Variants in CANX observed in about 807,000 individuals in gnomAD.
CANX encodes the protein epididymis secretory sperm binding protein.
In CANX, 14 loss-of-function variants were observed where a neutral mutation model predicts 75.7. That is an observed-to-expected ratio of 0.19 (90% CI 0.12 to 0.29). The LOEUF is 0.29. Ranked by LOEUF, CANX falls within the 10% of genes least tolerant of loss-of-function variation. CANX has a pLI of 1.00. For missense variants in CANX, 567 were observed against 713.2 expected (o/e 0.79, Z 2.34); for synonymous variants, 227 against 236.9 (o/e 0.96, Z 0.38).
intron 8 of CANX, among the ~76,000 whole-genome samples, chr5:179,718,971 AT>A (rs756637582): frequency 3.8e-3 from 504 of 133,120 alleles, no homozygotes; most frequent in Middle Eastern, 9.9e-3. Context: ...GGCCTTGTGT[AT>A]TTTTTTTTTT....
intron 1 of CANX, among the ~76,000 whole-genome samples, chr5:179,688,546 G>A (rs1365225959): frequency 1.4e-5 from 2 of 146,288 alleles, no homozygotes; most frequent in Non-Finnish European, 3.0e-5. Context: ...TGTATTTTTA[G>A]TAGAGACGGG....
chr5:179,693,030 C>T (rs1259495742), intron 1 of CANX, among the ~76,000 whole-genome samples: 1 of 150,962 alleles, frequency 6.6e-6, no homozygotes, highest in African/African-American at 2.4e-5. Flanking sequence ...CCTGTAGTCC[C>T]TGCTACTCAG....
intron 7 of CANX, among the ~76,000 whole-genome samples, chr5:179,711,366 G>A (rs1777540032): frequency 6.6e-6 from 1 of 152,106 alleles, no homozygotes; most frequent in African/African-American, 2.4e-5. Flanking sequence ...AGACTGTAGT[G>A]AGCCATGATC....
intron 1 of CANX, among the ~76,000 whole-genome samples, chr5:179,686,506 C>T (rs1776193388): frequency 6.6e-6 from 1 of 151,870 alleles, no homozygotes; most frequent in African/African-American, 2.4e-5. Flanking sequence ...CACGGTCTCA[C>T]TGTTGCCCAG....
intron 10 of CANX, among the ~76,000 whole-genome samples, chr5:179,722,238 G>C (rs1490252783): frequency 6.6e-6 from 1 of 152,156 alleles, no homozygotes; most frequent in African/African-American, 2.4e-5. Flanking sequence ...CGAGGCTGAG[G>C]CACAAGGATC....
chr5:179,683,892 C>T (rs1303984433), intron 1 of CANX, among the ~76,000 whole-genome samples: 4 of 152,088 alleles, frequency 2.6e-5, no homozygotes, highest in Non-Finnish European at 5.9e-5. Context: ...AAGATTTATC[C>T]ATGTTGTTGC....
intron 1 of CANX, among the ~76,000 whole-genome samples, chr5:179,689,404 T>TTTTTTTTTA (rs1776259364): frequency 2.8e-4 from 41 of 147,812 alleles, no homozygotes; most frequent in South Asian, 6.5e-4. Context: ...TTTTTTTTTT[T>TTTTTTTTTA]GAGACAGAGT....
At position 179,689,310 on chromosome 5, in the gene CANX, A is replaced by G. The variant is rs898642772; in HGVS notation, c.-4+10533A>G. ...TACGTCAGACCGATCATAGATGACC[A>G]CTAGGAATGGTACACAACTTCCCTT... On this transcript the variant is annotated intron_variant, in intron 1 of 14. Transcript: ENST00000681674. Among the ~76,000 whole-genome samples, 24 of 151,654 alleles carry G rather than the reference A, an allele frequency of 1.6e-4. 1 individual carries two copies. Among genetic ancestry groups the G allele is most frequent in the Non-Finnish European group, 4.4e-5 (3 of 67,950 alleles).
Position 179,684,941 on chromosome 5 carries a change from T to G in CANX, c.-4+6164T>G, listed in dbSNP as rs1000202930. On this transcript the variant is annotated intron_variant, in intron 1 of 14. Coordinates refer to the CANX transcript ENST00000681674. ...CTAATTTTGTATTTTTTTTTTTTTT[T>G]TTTTTTTTTTTTTTTACTAGAGACA... Among the ~76,000 whole-genome samples the G allele has an allele frequency of 8.7e-5, 12 of 137,234 alleles. 1 individual carries two copies. The East Asian group carries it at 2.0e-3, about 22-fold the overall frequency. 90.0% of individuals were successfully genotyped at this position (137,234 alleles called of 152,430 possible). A position where few individuals can be genotyped will look rare whatever the true frequency, so the allele number is the denominator to read the frequency against.
intron 6 of CANX, 133 bp downstream of exon 6, chr5:179,709,192 G>A (rs939804408): frequency 9.8e-6 from 6 of 609,586 alleles, no homozygotes; most frequent in Non-Finnish European, 1.8e-5. Flanking sequence ...AAGGCAGGCG[G>A]ATCACGAGGT....
In CANX at chr5:179,723,001, T is replaced by C. The variant is rs1474198675; in HGVS notation, c.1380T>C (p.Ala460=). 1 of 1,614,032 alleles carries C rather than the reference T, an allele frequency of 6.2e-7. No individual in the cohort carries two copies. The highest frequency in any genetic ancestry group is 1.1e-5 in the South Asian group (1 of 91,088). The change falls in exon 11 of 15, where the codon GCT becomes GCC. Residue 460 remains alanine, a synonymous_variant. Coordinates refer to ENST00000247461, the MANE Select transcript of CANX (RefSeq NM_001746.4). ...ATGATGGATGGGGCCTGAAGAAAGC[T>C]GCTGATGGGGCTGCTGAGGTTCGTG... is the stretch of plus-strand genomic sequence containing the variant. ...WANDGWGLKK[A]ADGAAEPGVV...
chr5:179,721,310 G>A (rs1008397226), intron 10 of CANX, among the ~76,000 whole-genome samples: 23 of 152,178 alleles, frequency 1.5e-4, no homozygotes, highest in African/African-American at 5.3e-4. Flanking sequence ...GGCTGGTCTC[G>A]AACTCCTGAC....
intron 6 of CANX, 88 bp downstream of exon 6, chr5:179,709,147 G>A (rs1777352768): frequency 3.8e-6 from 3 of 781,422 alleles, no homozygotes; most frequent in East Asian, 5.1e-5. Context: ...AGTGGCTCAC[G>A]CCTGTAATCC....
In CANX at chr5:179,720,545, C is replaced by T; in HGVS notation, c.1167C>T (p.Asp389=). The T allele has an allele frequency of 1.2e-6, 2 of 1,613,942 alleles. No homozygotes were observed. Among genetic ancestry groups the T allele is most frequent in the South Asian group, 1.1e-5 (1 of 91,074 alleles). The part of the protein sequence containing the change: ...YKGKWKPPMI[D]NPSYQGIWKP... ...GCAAATGGAAGCCTCCTATGATTGA[C>T]AATCCCAGTTACCAGGTTTGTGCCT... The change falls in exon 10 of 15, where the codon GAC becomes GAT. Residue 389 remains aspartate, a synonymous_variant. Transcript: ENST00000247461.
At chr5:179,710,090 G>T (rs952566443) in intron 7 of CANX, 25 bp downstream of exon 7, 1 of 1,365,096 alleles carries the variant, frequency 7.3e-7, no homozygotes. Flanking sequence ...TAGTTTGGGG[G>T]CTTATGGTAT....
intron 10 of CANX, among the ~76,000 whole-genome samples, chr5:179,722,014 AG>A (rs1778341905): frequency 6.6e-6 from 1 of 152,200 alleles, no homozygotes; most frequent in Admixed American, 6.5e-5. Context: ...TCAAACAATA[AG>A]ATAAAAGTTT....
At chr5:179,679,682 GAGTCTCGCTGTC>G (rs1420715847) in intron 1 of CANX, among the ~76,000 whole-genome samples, 3 of 151,970 alleles carry the variant, frequency 2.0e-5, no homozygotes, top group Admixed American at 6.6e-5. Flanking sequence ...TTTTGAGACT[GAGTCTCGCTGTC>G]GTTGCCCGAG....
At chr5:179,723,897 T>TG in intron 12 of CANX, 118 bp downstream of exon 12, 1 of 857,516 alleles carries the variant, frequency 1.2e-6, no homozygotes, top group Non-Finnish European at 1.8e-6. Context: ...GACCAAGCCA[T>TG]GTTTGGTGTT....
upstream of CANX, among the ~76,000 whole-genome samples, chr5:179,696,755 A>T (rs1776414277): frequency 6.6e-6 from 1 of 152,164 alleles, no homozygotes; most frequent in African/African-American, 2.4e-5. Context: ...CATGACACTA[A>T]ATCTTGACTG....
Sources: gnomAD v4.1 joint callset for allele counts (sites outside exome capture counted in the v4.1 genomes callset) on GRCh38, gnomAD v4.1.1 for gene constraint, MANE v1.5 for transcripts, NCBI Gene and HGNC (gene_info 2026-07-23, HGNC 2026-07-21) for gene names.